Variants in SLC16A14 observed in about 807,000 individuals in gnomAD.
The protein encoded by SLC16A14 is solute carrier family 16 member 14, also known as monocarboxylate transporter 14.
Under a neutral mutation model 35.8 loss-of-function variants are expected in SLC16A14, and 14 were observed. That is an observed-to-expected ratio of 0.39 (90% CI 0.26 to 0.61). The LOEUF (loss-of-function observed/expected upper bound fraction) is 0.61. SLC16A14 is among the 20% of genes least tolerant of loss of function. SLC16A14 has a pLI of 0.51. For synonymous variants in SLC16A14, 248 were observed against 258.9 expected (o/e 0.96, Z 0.40); for missense variants, 533 against 655.0 (o/e 0.81, Z 2.03).
At chr2:230,051,924 T>C (rs1043851138) in intron 2 of SLC16A14, among the ~76,000 whole-genome samples, 5 of 151,650 alleles carry the variant, frequency 3.3e-5, no homozygotes, top group Non-Finnish European at 7.4e-5. Context: ...ATAGACTTAA[T>C]ATATTAAACA....
rs1160692857 is a variant in SLC16A14, at chr2:230,045,986, A to G, written c.1140T>C (p.Ser380=). The change falls in exon 4 of 5, where the codon AGT becomes AGC. Residue 380 remains serine (S), a synonymous_variant. Coordinates refer to ENST00000295190, the MANE Select transcript of SLC16A14 (RefSeq NM_152527.5). The part of the protein sequence containing the change: ...LGVIADLPCI[S]VWNVFLLANF... ...TGGCCAACAGGAAGACATTCCAAAC[A>G]CTAATGCAAGGCAAGTCGGCTATGA... 3 of 1,613,606 alleles carry G rather than the reference A, an allele frequency of 1.9e-6. No homozygotes were observed. The highest frequency in any genetic ancestry group is 1.7e-6 in the Non-Finnish European group (2 of 1,179,614).
chr2:230,040,773 T>C (rs1460133374), intron 4 of SLC16A14, among the ~76,000 whole-genome samples: 1 of 152,218 alleles, frequency 6.6e-6, no homozygotes, highest in Non-Finnish European at 1.5e-5. Flanking sequence ...TAAATAACTC[T>C]GGATCCTGCC....
rs895401425 is a variant in SLC16A14, at chr2:230,038,494, G to A, written c.1382-963C>T. On this transcript the variant is annotated intron_variant, in intron 4 of 4. Coordinates refer to ENST00000295190, the MANE Select transcript of SLC16A14 (RefSeq NM_152527.5). This position sits in a 1 kb window ranked among gnomAD's most constrained non-coding sequence, Gnocchi z 4.4. ...TCATGGTTCCCACATAGTCAACTACGCAAACTGAGAGGATTGAGTTACACA... is the reference window on the plus strand; with the variant it reads ...TCATGGTTCCCACATAGTCAACTACACAAACTGAGAGGATTGAGTTACACA... Among the ~76,000 whole-genome samples the A allele has an allele frequency of 6.6e-6, 1 of 152,158 alleles. No homozygotes were observed. The highest frequency in any genetic ancestry group is 2.4e-5 in the African/African-American group (1 of 41,450).
intron 1 of SLC16A14, chr2:230,067,996 C>G (rs910203667): frequency 2.6e-5 from 4 of 152,322 alleles, no homozygotes. Flanking sequence ...TCGGGCACCC[C>G]GCATCCCTCG....
At chr2:230,059,964 C>A (rs1256628414) in intron 1 of SLC16A14, among the ~76,000 whole-genome samples, 2 of 152,210 alleles carry the variant, frequency 1.3e-5, no homozygotes, top group East Asian at 3.8e-4. Flanking sequence ...CAATGAAAGA[C>A]ATAGCTTTCT....
chr2:230,037,498 A>AAATC lies in SLC16A14; in HGVS notation c.1411_1414dup (p.Phe472Ter). ...AAGCAAACCACATATGTAGAAGGAA[A>AAATC]AATCATATTTTTGCGTGATGTCATA... On this transcript the variant is annotated stop_gained and frameshift_variant, in exon 5 of 5. Transcript: ENST00000295190. LOFTEE classifies it high-confidence loss of function. 6.2e-7 allele frequency: 1 copy of AAATC among 1,610,912 alleles called. No individual in the cohort carries two copies. Among genetic ancestry groups the AAATC allele is most frequent in the Non-Finnish European group, 8.5e-7 (1 of 1,179,328 alleles).
Position 230,059,171 on chromosome 2 carries a change from C to T in SLC16A14, c.182G>A (p.Trp61Ter), listed in dbSNP as rs2077730846. 1.2e-6 allele frequency: 2 copies of T among 1,614,158 alleles called. No individual in the cohort carries two copies. Among genetic ancestry groups the T allele is most frequent in the Non-Finnish European group, 1.7e-6 (2 of 1,180,018 alleles). ...QMALGVLNVE[W>*]LEEFHQSRGL... ...GCGGCTCTGGTGGAATTCTTCCAGC[C>T]ATTCCACGTTGAGGACACCCAGGGC... The change falls in exon 2 of 5, where the codon TGG becomes TAG. Residue 61 changes from tryptophan (W) to a stop codon, truncating the protein, a stop_gained. Coordinates refer to ENST00000295190, the MANE Select transcript of SLC16A14 (RefSeq NM_152527.5). LOFTEE classifies it high-confidence loss of function.
At chr2:230,051,371 G>C (rs747515764) in intron 2 of SLC16A14, among the ~76,000 whole-genome samples, 15 of 152,250 alleles carry the variant, frequency 9.9e-5, no homozygotes, top group Non-Finnish European at 1.5e-4. Context: ...GTGTTGTTCA[G>C]GCTGGTCTAG....
In SLC16A14 at chr2:230,068,381, G is replaced by C. The variant is rs926661640; in HGVS notation, c.-15+174C>G. On this transcript the variant is annotated intron_variant, in intron 1 of 4. Transcript: ENST00000295190. This position sits in a 1 kb window ranked among gnomAD's most constrained non-coding sequence, Gnocchi z 5.1. ...CGGCCTTGGCACTACCACCTGCCCCGGCACAGTCTCGCCCTCCACCGCCCG... is the reference window on the plus strand; with the variant it reads ...CGGCCTTGGCACTACCACCTGCCCCCGCACAGTCTCGCCCTCCACCGCCCG... The C allele has an allele frequency of 1.3e-5, 2 of 152,610 alleles. No individual in the cohort carries two copies. Among genetic ancestry groups the C allele is most frequent in the Non-Finnish European group, 2.9e-5 (2 of 68,368 alleles). 9.5% of individuals were successfully genotyped at this position (152,610 alleles called of 1,614,324 possible).
rs1219604636 is a variant in SLC16A14 at position 230,035,189 on chromosome 2, G to T, written c.*2191C>A. 1 of 152,264 alleles carries T rather than the reference G, an allele frequency of 6.6e-6. No homozygotes were observed. The highest frequency in any genetic ancestry group is 2.4e-5 in the African/African-American group (1 of 41,438). The allele number at this position is 152,264 out of a possible 1,614,324, so 9.4% of individuals were successfully genotyped here. On this transcript the variant is annotated 3_prime_UTR_variant, in exon 5 of 5. Transcript: ENST00000295190. The stretch of plus-strand genomic sequence containing the variant: ...GTTGTCAACATGAATACTGCAAGCA[G>T]GTCTTTATTTTTTTTGACAATGGGA...
chr2:230,059,554 A>T (rs187369455), intron 1 of SLC16A14, among the ~76,000 whole-genome samples, 188 bp from the exon 2 acceptor site: 4 of 152,328 alleles, frequency 2.6e-5, no homozygotes, highest in African/African-American at 9.6e-5. Flanking sequence ...AAGTGCTTCT[A>T]TGAAACCTGT....
At chr2:230,064,324 G>GTC in intron 1 of SLC16A14, among the ~76,000 whole-genome samples, 1 of 151,756 alleles carries the variant, frequency 6.6e-6, no homozygotes, top group Non-Finnish European at 1.5e-5. Flanking sequence ...ATGTGTGTGT[G>GTC]TGTGTGTCTG....
Position 230,045,910 on chromosome 2 carries a change from C to G in SLC16A14, c.1216G>C (p.Ala406Pro), listed in dbSNP as rs750945291. 2 of 1,612,178 alleles carry G rather than the reference C, an allele frequency of 1.2e-6. No homozygotes were observed. The highest frequency in any genetic ancestry group is 1.7e-5 in the Admixed American group (1 of 59,970). Residue 406 changes from alanine (A) to proline (P), a missense_variant, in exon 4 of 5, where the codon GCT (alanine) becomes CCT (proline). Transcript: ENST00000295190. The part of the protein sequence containing the change: ...IFILPLMHTY[A>P]GLAVICALIG... ...AGCGCACAGATGACCGCCAGGCCAG[C>G]GTACGTGTGCATCAACGGCAGAATA...
chr2:230,037,541 A>G lies in SLC16A14; in HGVS notation c.1382-10T>C. 6.3e-7 allele frequency: 1 copy of G among 1,587,544 alleles called. No individual in the cohort carries two copies. Among genetic ancestry groups the G allele is most frequent in the Non-Finnish European group, 8.5e-7 (1 of 1,170,974 alleles). On this transcript the variant is annotated splice_polypyrimidine_tract_variant and intron_variant, in intron 4 of 4. Coordinates refer to ENST00000295190, the MANE Select transcript of SLC16A14 (RefSeq NM_152527.5). Reference sequence around the variant, plus strand: ...ATGTCATAGATCCACCCTACAAAACAAAAAAGAATATATTCAGTGTCATGG... The same window carrying G: ...ATGTCATAGATCCACCCTACAAAACGAAAAAGAATATATTCAGTGTCATGG...
At chr2:230,060,613 C>T (rs2077744509) in intron 1 of SLC16A14, among the ~76,000 whole-genome samples, 1 of 152,138 alleles carries the variant, frequency 6.6e-6, no homozygotes, top group South Asian at 2.1e-4. Context: ...CCTCCTGCCT[C>T]AGCCTCCCAA....
intron 2 of SLC16A14, among the ~76,000 whole-genome samples, chr2:230,055,206 T>C (rs1228957448): frequency 2.0e-5 from 3 of 152,030 alleles, no homozygotes; most frequent in Non-Finnish European, 4.4e-5. Flanking sequence ...TGGCCTCCAG[T>C]GTTGTAGGAT....
rs151257230 is a variant in SLC16A14, at chr2:230,037,392, A to T, written c.1521T>A (p.Gly507=). The T allele has an allele frequency of 1.9e-6, 3 of 1,607,082 alleles. No individual in the cohort carries two copies. The highest frequency in any genetic ancestry group is 2.5e-6 in the Non-Finnish European group (3 of 1,178,020). Residue 507 remains glycine (G), a synonymous_variant, in exon 5 of 5, where the codon GGT becomes GGA. Transcript: ENST00000295190. ...ACATTACATGATACTAAACATGTGCACCATCCATGTATTTTCTTCTGGATT... is the reference window on the plus strand; with the variant it reads ...ACATTACATGATACTAAACATGTGCTCCATCCATGTATTTTCTTCTGGATT... The part of the protein sequence containing the change: ...IEQSRRKYMD[G]AHV
chr2:230,041,279 G>GCCATATTATATACTGAAA (rs1326175289), intron 4 of SLC16A14, among the ~76,000 whole-genome samples: 116 of 152,240 alleles, frequency 7.6e-4, no homozygotes, highest in African/African-American at 2.7e-3. Flanking sequence ...CTGAGGTTTT[G>GCCATATTATATACTGAAA]CCATATTATA....
At chr2:230,037,890 A>G (rs896762152) in intron 4 of SLC16A14, among the ~76,000 whole-genome samples, 9 of 152,238 alleles carry the variant, frequency 5.9e-5, no homozygotes, top group Non-Finnish European at 1.2e-4. Context: ...CAGCAGTGAA[A>G]TGCGAATCCA....
Sources: gnomAD v4.1 joint callset for allele counts (sites outside exome capture counted in the v4.1 genomes callset) on GRCh38, gnomAD v4.1.1 for gene constraint, Gnocchi (gnomAD v3.1) non-coding constraint, MANE v1.5 for transcripts, NCBI Gene and HGNC (gene_info 2026-07-23, HGNC 2026-07-21) for gene names.